Variants in DPP10 observed in about 807,000 individuals in gnomAD.
The protein encoded by DPP10 is dipeptidyl peptidase like 10, also known as inactive dipeptidyl peptidase 10.
Under a neutral mutation model 120.9 loss-of-function variants are expected in DPP10, and 33 were observed. That is an observed-to-expected ratio of 0.27 (90% CI 0.21 to 0.37). DPP10 has a LOEUF of 0.37. DPP10 is among the 10% of genes least tolerant of loss of function. The pLI is 1.00. For missense variants in DPP10, 816 were observed against 942.8 expected (o/e 0.87, Z 1.76); for synonymous variants, 337 against 326.1 (o/e 1.03, Z -0.36).
chr2:114,785,880 C>T (rs319852), intron 1 of DPP10, among the ~76,000 whole-genome samples: 73,710 of 152,000 alleles, frequency 0.48, 18,808 homozygotes, highest in African/African-American at 0.64. Flanking sequence ...AGAGGAGTAA[C>T]ATAAAATCTG....
At chr2:115,005,681 G>C (rs1425709235) in intron 1 of DPP10, among the ~76,000 whole-genome samples, 3 of 151,990 alleles carry the variant, frequency 2.0e-5, no homozygotes, top group Non-Finnish European at 2.9e-5. Flanking sequence ...AGAATAAAAA[G>C]AAATGAGCAA....
chr2:114,673,275 AAT>A (rs1200538606), intron 1 of DPP10, among the ~76,000 whole-genome samples: 1 of 152,142 alleles, frequency 6.6e-6, no homozygotes, highest in Non-Finnish European at 1.5e-5. Flanking sequence ...AAGACGAGCG[AAT>A]AGTTTCCAGT....
chr2:114,912,985 A>C (rs930626763), intron 1 of DPP10, among the ~76,000 whole-genome samples: 11 of 152,176 alleles, frequency 7.2e-5, no homozygotes, highest in African/African-American at 2.7e-4. Context: ...TGGCTGCTAA[A>C]CTTGGACAGA....
intron 1 of DPP10, among the ~76,000 whole-genome samples, chr2:114,556,234 C>CATATATATATGTATATATATATAT (rs1688290005): frequency 1.2e-5 from 1 of 86,956 alleles, no homozygotes; most frequent in Non-Finnish European, 2.1e-5. Flanking sequence ...ATAGATGATA[C>CATATATATATGTATATATATATAT]ATATATATAT....
intron 1 of DPP10, among the ~76,000 whole-genome samples, chr2:114,971,924 G>A (rs1699425463): frequency 6.6e-6 from 1 of 152,134 alleles, no homozygotes; most frequent in Admixed American, 6.5e-5. Context: ...GCACCCCCAG[G>A]ACTCATCATG....
intron 1 of DPP10, among the ~76,000 whole-genome samples, chr2:115,172,010 G>A (rs545074730): frequency 4.7e-4 from 71 of 152,264 alleles, no homozygotes; most frequent in African/African-American, 1.7e-3. Flanking sequence ...ACTTTCTCAA[G>A]CTTCCCCTCT....
chr2:115,794,535 G>A (rs780046785), intron 19 of DPP10, among the ~76,000 whole-genome samples: 1 of 152,014 alleles, frequency 6.6e-6, no homozygotes, highest in Non-Finnish European at 1.5e-5. Flanking sequence ...TATGCGGGAT[G>A]GAGTACATAC....
chr2:114,896,250 GT>G (rs1482870750), intron 1 of DPP10, among the ~76,000 whole-genome samples: 1 of 152,140 alleles, frequency 6.6e-6, no homozygotes. Flanking sequence ...CTTTAAAGTA[GT>G]TTTTTCCAAT....
At chr2:115,809,842 C>T (rs1686427545) in intron 19 of DPP10, among the ~76,000 whole-genome samples, 1 of 152,238 alleles carries the variant, frequency 6.6e-6, no homozygotes, top group South Asian at 2.1e-4. Flanking sequence ...ATAACTAAAG[C>T]TTTACTGATA....
intron 5 of DPP10, among the ~76,000 whole-genome samples, chr2:115,619,782 T>C (rs1186080449): frequency 6.6e-6 from 1 of 152,200 alleles, no homozygotes; most frequent in African/African-American, 2.4e-5. Context: ...TGTTTTTCTG[T>C]CTTCTTTTGT....
chr2:115,076,638 C>G (rs1454974932), intron 1 of DPP10, among the ~76,000 whole-genome samples: 5 of 152,086 alleles, frequency 3.3e-5, no homozygotes, highest in Non-Finnish European at 7.4e-5. Context: ...CTTTTTTACT[C>G]AATATTTTTT....
chr2:115,435,916 C>G (rs1298203378), intron 3 of DPP10, among the ~76,000 whole-genome samples: 2 of 151,854 alleles, frequency 1.3e-5, no homozygotes, highest in Non-Finnish European at 2.9e-5. Flanking sequence ...ATATGTATAT[C>G]TCATTTTCCC....
intron 1 of DPP10, among the ~76,000 whole-genome samples, chr2:114,820,852 C>T (rs1686029869): frequency 6.6e-6 from 1 of 152,198 alleles, no homozygotes; most frequent in Non-Finnish European, 1.5e-5. Context: ...CATTCTTCCC[C>T]TGGACCCTCC....
chr2:114,553,372 G>T (rs575436176), intron 1 of DPP10, among the ~76,000 whole-genome samples: 1 of 152,306 alleles, frequency 6.6e-6, no homozygotes, highest in African/African-American at 2.4e-5. Context: ...GCAGCTCCTT[G>T]GAGTTATTAC....
chr2:114,822,797 G>A (rs1002106665), intron 1 of DPP10, among the ~76,000 whole-genome samples: 5 of 152,010 alleles, frequency 3.3e-5, no homozygotes, highest in East Asian at 1.9e-4. Flanking sequence ...TCTAGGACAC[G>A]GGCAAAATGC....
chr2:115,793,643 C>T (rs996890230), intron 19 of DPP10, among the ~76,000 whole-genome samples: 2 of 151,638 alleles, frequency 1.3e-5, no homozygotes, highest in Non-Finnish European at 2.9e-5. Flanking sequence ...AAAATAGTGC[C>T]GTCAGACCCA....
At chr2:114,531,190 C>T (rs1266210598) in intron 1 of DPP10, among the ~76,000 whole-genome samples, 1 of 152,040 alleles carries the variant, frequency 6.6e-6, no homozygotes, top group Admixed American at 6.6e-5. Context: ...TACTTGTCAT[C>T]GTGGTGGGGG....
intron 1 of DPP10, among the ~76,000 whole-genome samples, chr2:115,062,087 G>A (rs996970077): frequency 4.0e-5 from 6 of 150,454 alleles, no homozygotes; most frequent in Non-Finnish European, 5.9e-5. Context: ...ATTATTTCAT[G>A]AGTGTTGGAA....
intron 5 of DPP10, among the ~76,000 whole-genome samples, chr2:115,532,160 G>A (rs2078508945): frequency 6.6e-6 from 1 of 151,998 alleles, no homozygotes; most frequent in Non-Finnish European, 1.5e-5. Flanking sequence ...TTATTTAAGA[G>A]GGCACAAACA....
Sources: gnomAD v4.1 joint callset for allele counts (sites outside exome capture counted in the v4.1 genomes callset) on GRCh38, gnomAD v4.1.1 for gene constraint, MANE v1.5 for transcripts, NCBI Gene and HGNC (gene_info 2026-07-23, HGNC 2026-07-21) for gene names.